CFAP299: variants seen among roughly 807,000 people sequenced by gnomAD.
The protein encoded by CFAP299 is cilia- and flagella-associated protein 299.
CFAP299 carries 21 observed loss-of-function variants against 27.0 expected under a neutral mutation model. The observed-to-expected ratio is 0.78, with a 90% confidence interval of 0.55 to 1.12. The LOEUF (loss-of-function observed/expected upper bound fraction) is 1.12, where lower values mean the gene tolerates loss of function less well. Among genes scored for constraint, CFAP299 ranks in the 50% most tolerant of loss-of-function variants. The pLI, the probability that CFAP299 is intolerant of heterozygous loss-of-function variation, is 0.00. For synonymous variants in CFAP299, 104 were observed against 98.1 expected, an observed-to-expected ratio of 1.06 and a Z score of -0.36; for missense variants, 310 against 276.6, an observed-to-expected ratio of 1.12 and a Z score of -0.86.
chr4:80,941,936 C>T (rs1737217032), intron 4 of CFAP299, among the ~76,000 whole-genome samples: 1 of 152,190 alleles, frequency 6.6e-6, no homozygotes, highest in African/African-American at 2.4e-5. Flanking sequence ...GATCTAATCA[C>T]CTCCTGCCAG....
intron 3 of CFAP299, among the ~76,000 whole-genome samples, chr4:80,842,589 T>C (rs1730923541): frequency 1.3e-5 from 2 of 152,130 alleles, no homozygotes; most frequent in South Asian, 4.1e-4. Context: ...AGACCGAGTT[T>C]GATCACTAGT....
At chr4:80,816,261 A>C (rs1427797779) in intron 3 of CFAP299, among the ~76,000 whole-genome samples, 1 of 152,114 alleles carries the variant, frequency 6.6e-6, no homozygotes, top group Non-Finnish European at 1.5e-5. Flanking sequence ...ATTCTTCCAA[A>C]TCTAGAGCCA....
At chr4:80,669,432 T>C (rs1035317784) in intron 3 of CFAP299, among the ~76,000 whole-genome samples, 1 of 152,034 alleles carries the variant, frequency 6.6e-6, no homozygotes, top group African/African-American at 2.4e-5. Context: ...GGATTACAAG[T>C]GTGAGCCACC....
intron 3 of CFAP299, among the ~76,000 whole-genome samples, chr4:80,846,936 CT>C (rs1252589600): frequency 6.6e-6 from 1 of 152,196 alleles, no homozygotes; most frequent in Non-Finnish European, 1.5e-5. Context: ...AGATTGTCCC[CT>C]GTTCTCCTTA....
At chr4:80,781,512 C>T (rs1726877755) in intron 3 of CFAP299, among the ~76,000 whole-genome samples, 1 of 152,016 alleles carries the variant, frequency 6.6e-6, no homozygotes, top group African/African-American at 2.4e-5. Flanking sequence ...GCCAACAAAA[C>T]TTGCCTGTCA....
intron 3 of CFAP299, among the ~76,000 whole-genome samples, chr4:80,717,101 G>A (rs935471091): frequency 7.9e-5 from 12 of 151,992 alleles, no homozygotes; most frequent in Admixed American, 5.3e-4. Flanking sequence ...CAATGAATAC[G>A]ACAGATACGT....
intron 3 of CFAP299, among the ~76,000 whole-genome samples, chr4:80,817,651 G>T (rs764894489): frequency 6.6e-6 from 1 of 151,866 alleles, no homozygotes; most frequent in Non-Finnish European, 1.5e-5. Context: ...TCACATTTAG[G>T]ACAAATTTAG....
intron 3 of CFAP299, among the ~76,000 whole-genome samples, chr4:80,796,994 T>C (rs1727902217): frequency 6.6e-6 from 1 of 152,140 alleles, no homozygotes; most frequent in South Asian, 2.1e-4. Context: ...CTGGACCTAC[T>C]GTAAGTTGGA....
At chr4:80,889,404 T>C (rs929074996) in intron 4 of CFAP299, among the ~76,000 whole-genome samples, 14 of 151,916 alleles carry the variant, frequency 9.2e-5, no homozygotes, top group Non-Finnish European at 2.1e-4. Context: ...TCTAGACATA[T>C]ATGACCTACC....
intron 3 of CFAP299, among the ~76,000 whole-genome samples, chr4:80,811,130 T>A (rs960288823): frequency 1.4e-4 from 22 of 152,244 alleles, no homozygotes; most frequent in Admixed American, 1.1e-3. Flanking sequence ...GAATAATTAA[T>A]TTAAATCACA....
At chr4:80,770,308 C>T (rs1038956315) in intron 3 of CFAP299, among the ~76,000 whole-genome samples, 4 of 152,076 alleles carry the variant, frequency 2.6e-5, no homozygotes, top group African/African-American at 4.8e-5. Flanking sequence ...AGAGGATATA[C>T]GGAGCAACTC....
intron 3 of CFAP299, among the ~76,000 whole-genome samples, chr4:80,853,689 A>T (rs1731658096): frequency 6.6e-6 from 1 of 152,198 alleles, no homozygotes; most frequent in Non-Finnish European, 1.5e-5. Context: ...CAGACTATAT[A>T]TGTTGAAGGT....
intron 3 of CFAP299, among the ~76,000 whole-genome samples, chr4:80,714,994 A>C (rs1468575275): frequency 1.3e-5 from 2 of 152,098 alleles, no homozygotes; most frequent in Non-Finnish European, 2.9e-5. Flanking sequence ...AGCTACCTAG[A>C]GTTCTTACTG....
chr4:80,620,325 G>A (rs147772881), intron 3 of CFAP299, among the ~76,000 whole-genome samples: 3 of 152,130 alleles, frequency 2.0e-5, no homozygotes, highest in African/African-American at 7.2e-5. Context: ...AACTTTTTAT[G>A]GGTAGCAAAT....
intron 3 of CFAP299, among the ~76,000 whole-genome samples, chr4:80,617,809 A>AT (rs1163426364): frequency 6.6e-6 from 1 of 152,172 alleles, no homozygotes; most frequent in Non-Finnish European, 1.5e-5. Flanking sequence ...AAGCATTTTG[A>AT]TATGTTTTTT....
intron 2 of CFAP299, among the ~76,000 whole-genome samples, chr4:80,415,305 G>A (rs1294683533): frequency 6.6e-6 from 1 of 152,032 alleles, no homozygotes; most frequent in Non-Finnish European, 1.5e-5. Context: ...CTGTTTTTGA[G>A]CATTCCCCCA....
intron 3 of CFAP299, among the ~76,000 whole-genome samples, chr4:80,631,663 A>G (rs1450825500): frequency 6.6e-6 from 1 of 152,164 alleles, no homozygotes; most frequent in Admixed American, 6.6e-5. Flanking sequence ...TTGTATAAAC[A>G]TATTACTTTC....
chr4:80,624,528 G>A (rs965839196), intron 3 of CFAP299, among the ~76,000 whole-genome samples: 1 of 151,784 alleles, frequency 6.6e-6, no homozygotes, highest in Non-Finnish European at 1.5e-5. Context: ...TTGAGTCAGG[G>A]AATACAATTA....
At chr4:80,668,216 CAGAT>C (rs1741244969) in intron 3 of CFAP299, among the ~76,000 whole-genome samples, 1 of 151,074 alleles carries the variant, frequency 6.6e-6, no homozygotes, top group South Asian at 2.1e-4. Context: ...AATTTCTTGT[CAGAT>C]GGATAGGTTG....
Sources: gnomAD v4.1 joint callset for allele counts (sites outside exome capture counted in the v4.1 genomes callset) on GRCh38, gnomAD v4.1.1 for gene constraint, MANE v1.5 for transcripts, NCBI Gene and HGNC (gene_info 2026-07-23, HGNC 2026-07-21) for gene names.